KMO: variants seen among roughly 807,000 people sequenced by gnomAD.
KMO encodes the protein kynurenine 3-hydroxylase.
KMO carries 24 observed loss-of-function variants against 57.8 expected under a neutral mutation model. The ratio of observed to expected loss-of-function variants is 0.42; its 90% CI spans 0.30 to 0.58. The LOEUF (loss-of-function observed/expected upper bound fraction) is 0.58. Among genes scored for constraint, KMO ranks in the 20% least tolerant of loss-of-function variants. The pLI is 0.22. For missense variants in KMO, 483 were observed against 588.2 expected (o/e 0.82, Z 1.85); for synonymous variants, 210 against 193.6 (o/e 1.08, Z -0.70).
intron 2 of KMO, 84 bp downstream of exon 2, chr1:241,548,982 T>G (rs1410848284): frequency 3.5e-6 from 3 of 859,234 alleles, no homozygotes; most frequent in Non-Finnish European, 5.9e-6. Context: ...ATGGATCGCT[T>G]GAGGCCGGGA....
Position 241,535,895 on chromosome 1 carries a change from G to A in KMO, c.54+3397G>A, listed in dbSNP as rs139074427. ...GCTTTGTTTGTCATTATCAAATGCT[G>A]CCTTCTATTAAAATTTTGTTATGCA... On this transcript the variant is annotated intron_variant, in intron 1 of 14. Coordinates refer to ENST00000366559, the MANE Select transcript of KMO (RefSeq NM_003679.5). 4.6e-3 allele frequency among the ~76,000 whole-genome samples: 700 copies of A among 152,226 alleles called. 9 individuals carry two copies. The highest frequency in any genetic ancestry group is 0.016 in the African/African-American group (657 of 41,532).
chr1:241,567,449 C>T (rs112916729), intron 9 of KMO, among the ~76,000 whole-genome samples: 2,990 of 152,248 alleles, frequency 0.02, 49 homozygotes, highest in South Asian at 0.028. Flanking sequence ...GGGGGGTCCA[C>T]TCCCAAGACC....
chr1:241,552,923 C>T (rs551309224), intron 4 of KMO, among the ~76,000 whole-genome samples: 38 of 152,304 alleles, frequency 2.5e-4, no homozygotes, highest in African/African-American at 8.9e-4. Context: ...CAGAGCAGGT[C>T]AGAGCTCCTC....
chr1:241,585,228 C>A (rs537144695), intron 10 of KMO, among the ~76,000 whole-genome samples: 950 of 30,364 alleles, frequency 0.031, 7 homozygotes, highest in African/African-American at 0.11. Context: ...GACTGCATTT[C>A]AAAATTAATT....
chr1:241,590,156 T>C (rs1663194729), intron 13 of KMO, 43 bp downstream of exon 13: 3 of 1,608,582 alleles, frequency 1.9e-6, no homozygotes. Flanking sequence ...TGATTTTCTG[T>C]TTAGCTGTTA....
intron 10 of KMO, among the ~76,000 whole-genome samples, chr1:241,585,642 G>C: frequency 6.6e-6 from 1 of 151,120 alleles, no homozygotes; most frequent in East Asian, 2.0e-4. Flanking sequence ...CTGTAATCCT[G>C]GCTACTTGGG....
chr1:241,577,804 G>C (rs995980282), intron 10 of KMO, among the ~76,000 whole-genome samples: 9 of 152,106 alleles, frequency 5.9e-5, no homozygotes, highest in Non-Finnish European at 1.3e-4. Flanking sequence ...ATGAAATGTT[G>C]GTCAGAGGCC....
intron 11 of KMO, among the ~76,000 whole-genome samples, chr1:241,588,178 T>A (rs1663084985): frequency 6.6e-6 from 1 of 152,064 alleles, no homozygotes; most frequent in Non-Finnish European, 1.5e-5. Context: ...ACTGAATAAT[T>A]TCTATAAAGT....
At chr1:241,544,659 T>A (rs920515590) in intron 1 of KMO, among the ~76,000 whole-genome samples, 1 of 152,224 alleles carries the variant, frequency 6.6e-6, no homozygotes. Context: ...ATCTTTTTCA[T>A]GTGTGTTTTC....
chr1:241,546,013 T>C (rs551773786), intron 1 of KMO, among the ~76,000 whole-genome samples: 77 of 152,266 alleles, frequency 5.1e-4, no homozygotes, highest in African/African-American at 1.8e-3. Flanking sequence ...CTTATGGTGA[T>C]GTCATTTTTT....
intron 6 of KMO, among the ~76,000 whole-genome samples, chr1:241,561,615 A>G (rs932631816): frequency 6.6e-6 from 1 of 152,228 alleles, no homozygotes; most frequent in African/African-American, 2.4e-5. Context: ...CAAACTGCCA[A>G]GGAAGTTTTC....
intron 14 of KMO, among the ~76,000 whole-genome samples, chr1:241,590,996 A>C (rs753615469): frequency 2.0e-5 from 3 of 152,144 alleles, no homozygotes; most frequent in Non-Finnish European, 2.9e-5. Context: ...GGGGCTTTAA[A>C]CACCTGGAGT....
intron 4 of KMO, 43 bp from the exon 5 acceptor site, chr1:241,555,569 C>T: frequency 9.6e-7 from 1 of 1,039,300 alleles, no homozygotes; most frequent in Non-Finnish European, 1.5e-6. Flanking sequence ...TATATTTGTC[C>T]ATTCACCAGA....
At chr1:241,536,435 A>T in intron 1 of KMO, 2 of 864,164 alleles carry the variant, frequency 2.3e-6, no homozygotes, top group Non-Finnish European at 2.8e-6. Flanking sequence ...AAGACTCAGA[A>T]AATACTGCTT....
chr1:241,552,970 T>C (rs900141846), intron 4 of KMO, among the ~76,000 whole-genome samples: 3 of 152,190 alleles, frequency 2.0e-5, no homozygotes, highest in African/African-American at 7.2e-5. Context: ...ATGCTCAAAA[T>C]AGAGAAATGG....
rs1302036240 is a variant in KMO, at chr1:241,562,347, T to G, written c.615+15T>G. 2.5e-6 allele frequency: 4 copies of G among 1,609,116 alleles called. No individual in the cohort carries two copies. Among genetic ancestry groups the G allele is most frequent in the East Asian group, 4.5e-5 (2 of 44,778 alleles). Reference sequence around the variant, plus strand: ...AGAACGGAGATGTAAGTCCTTGCCCTTTTTCAACCCCTTCCCACAACCCTT... The same window carrying G: ...AGAACGGAGATGTAAGTCCTTGCCCGTTTTCAACCCCTTCCCACAACCCTT... On this transcript the variant is annotated intron_variant, in intron 7 of 14. Coordinates refer to ENST00000366559, the MANE Select transcript of KMO (RefSeq NM_003679.5).
intron 1 of KMO, among the ~76,000 whole-genome samples, chr1:241,540,740 A>G (rs529072238): frequency 6.6e-6 from 1 of 152,278 alleles, no homozygotes; most frequent in South Asian, 2.1e-4. Flanking sequence ...CAACTGTAAG[A>G]CAAAAATAAT....
chr1:241,551,028 A>G lies in KMO; in HGVS notation c.296A>G (p.Tyr99Cys). ...TCAGGAAAAAAGTCTGCAATTCCCT[A>G]TGGGACAAAGTCTCAGGTAGGTTTA... ...SLSGKKSAIPYGTKSQYILSV... is the reference protein window; with the variant it reads ...SLSGKKSAIPCGTKSQYILSV... Residue 99 changes from tyrosine to cysteine, a missense_variant, in exon 4 of 15, where the codon TAT (tyrosine) becomes TGT (cysteine). By Grantham distance (194) the Tyr-to-Cys change is radical (BLOSUM62 -2). This residue lies in a region of KMO where 410 missense variants were observed against 492.3 expected (regional missense o/e 0.83). Coordinates refer to ENST00000366559, the MANE Select transcript of KMO (RefSeq NM_003679.5). 6.4e-7 allele frequency: 1 copy of G among 1,559,924 alleles called. No homozygotes were observed. The highest frequency in any genetic ancestry group is 8.7e-7 in the Non-Finnish European group (1 of 1,147,812).
rs765628102 is a variant in KMO, at chr1:241,568,648, G to T, written c.957+1G>T. On this transcript the variant is annotated splice_donor_variant, in intron 10 of 14. Transcript: ENST00000366559. LOFTEE classifies it high-confidence loss of function. ...GTTTTTTGGGCAAGGAATGAATGCG[G>T]TAAGTTCTTTTTCCCTAGGTAAGTC... The T allele has an allele frequency of 1.9e-6, 3 of 1,613,074 alleles. No individual in the cohort carries two copies. The highest frequency in any genetic ancestry group is 2.5e-6 in the Non-Finnish European group (3 of 1,179,406).
Sources: allele counts gnomAD v4.1 joint callset (sites outside exome capture counted in the v4.1 genomes callset), GRCh38; gene constraint gnomAD v4.1.1; regional missense constraint gnomAD v4.1.1; transcripts MANE v1.5; gene names NCBI Gene and HGNC (gene_info 2026-07-23, HGNC 2026-07-21).